CNTNAP2: variants seen among roughly 807,000 people sequenced by gnomAD.
The protein encoded by CNTNAP2 is contactin-associated protein-like 2.
In CNTNAP2, 98 loss-of-function variants were observed where a neutral mutation model predicts 155.2. That is an observed-to-expected ratio of 0.63 (90% confidence interval 0.54 to 0.75). CNTNAP2 has a LOEUF of 0.75. Ranked by LOEUF, CNTNAP2 falls within the 30% of genes least tolerant of loss-of-function variation. The pLI is 0.00. For synonymous variants in CNTNAP2, 651 were observed against 631.2 expected, an observed-to-expected ratio of 1.03 and a Z score of -0.47; for missense variants, 1,727 against 1,688.1, an observed-to-expected ratio of 1.02 and a Z score of -0.40.
intron 4 of CNTNAP2, among the ~76,000 whole-genome samples, chr7:147,048,898 A>G (rs888053694): frequency 3.9e-5 from 6 of 152,172 alleles, no homozygotes; most frequent in Non-Finnish European, 1.5e-5. Flanking sequence ...AAATTTAATC[A>G]TCCTGAAAAC....
At chr7:148,189,138 T>C (rs1463112949) in intron 18 of CNTNAP2, among the ~76,000 whole-genome samples, 1 of 152,240 alleles carries the variant, frequency 6.6e-6, no homozygotes. Context: ...ACATGCAGTA[T>C]ACACTGAGAA....
chr7:147,132,465 T>A lies in CNTNAP2; in HGVS notation c.1304T>A (p.Ile435Asn). The change falls in exon 8 of 24, where the codon ATC (isoleucine) becomes AAC (asparagine). Residue 435 changes from isoleucine to asparagine, a missense_variant. Physicochemically the swap from Ile to Asn is moderately radical, Grantham distance 149 (BLOSUM62 -3). Transcript: ENST00000361727. ...ACTGAAAGCAAAGTGGGTGTTCACA[T>A]CAACATCACACAGACCAAGATGAGC... ...DLTESKVGVH[I>N]NITQTKMSQI... is the part of the protein sequence containing the mutation. The A allele has an allele frequency of 6.2e-7, 1 of 1,613,672 alleles. No individual in the cohort carries two copies. Among genetic ancestry groups the A allele is most frequent in the Non-Finnish European group, 8.5e-7 (1 of 1,179,728 alleles).
chr7:147,349,020 A>G (rs1321203733), intron 9 of CNTNAP2, among the ~76,000 whole-genome samples: 3 of 151,990 alleles, frequency 2.0e-5, no homozygotes, highest in Non-Finnish European at 4.4e-5. Context: ...AAAATTTGCT[A>G]AAGGATACAA....
At position 146,910,866 on chromosome 7, in the gene CNTNAP2, G is replaced by T. The variant is rs879425433; in HGVS notation, c.402+70962G>T. On this transcript the variant is annotated intron_variant, in intron 3 of 23. Coordinates refer to ENST00000361727, the MANE Select transcript of CNTNAP2 (RefSeq NM_014141.6). ...AAGAAACTACCATCAGAGTGAACAGGCAACCTACAAAATGGGAGAAAATTT... is the reference window on the plus strand; with the variant it reads ...AAGAAACTACCATCAGAGTGAACAGTCAACCTACAAAATGGGAGAAAATTT... Among the ~76,000 whole-genome samples, 63 of 150,466 alleles carry T rather than the reference G, an allele frequency of 4.2e-4. 1 individual carries two copies. Among genetic ancestry groups the T allele is most frequent in the Admixed American group, 2.4e-3 (36 of 15,192 alleles).
intron 10 of CNTNAP2, among the ~76,000 whole-genome samples, chr7:147,474,299 G>C (rs922033998): frequency 1.3e-5 from 2 of 151,534 alleles, no homozygotes; most frequent in African/African-American, 4.8e-5. Flanking sequence ...TTTTTAAAAA[G>C]TGTGACATTC....
chr7:146,591,981 G>C (rs1798789835), intron 1 of CNTNAP2, among the ~76,000 whole-genome samples: 1 of 152,108 alleles, frequency 6.6e-6, no homozygotes, highest in Non-Finnish European at 1.5e-5. Flanking sequence ...CCATCCATCA[G>C]TTATCAAAGC....
chr7:147,438,350 T>C (rs558269397), intron 10 of CNTNAP2, among the ~76,000 whole-genome samples: 123 of 152,222 alleles, frequency 8.1e-4, no homozygotes, highest in Non-Finnish European at 1.2e-3. Context: ...AGATAATTTT[T>C]CAGCATCAGT....
At chr7:148,389,272 T>TCATGGGG (rs1279976032) in intron 22 of CNTNAP2, among the ~76,000 whole-genome samples, 1 of 152,172 alleles carries the variant, frequency 6.6e-6, no homozygotes, top group Admixed American at 6.5e-5. Context: ...GGTAATTGAA[T>TCATGGGG]CATGGGGGCA....
chr7:147,879,112 T>A (rs1799475003), intron 13 of CNTNAP2, among the ~76,000 whole-genome samples: 1 of 152,220 alleles, frequency 6.6e-6, no homozygotes, highest in East Asian at 1.9e-4. Context: ...CAATGTATGG[T>A]ACATTTCTGA....
intron 1 of CNTNAP2, among the ~76,000 whole-genome samples, chr7:146,744,772 A>G (rs556551257): frequency 1.1e-4 from 17 of 152,298 alleles, no homozygotes; most frequent in African/African-American, 2.9e-4. Context: ...GGTGCAATAG[A>G]ACTGGATTTG....
At chr7:148,362,860 CAT>C (rs1475808095) in intron 21 of CNTNAP2, among the ~76,000 whole-genome samples, 1 of 152,208 alleles carries the variant, frequency 6.6e-6, no homozygotes, top group East Asian at 1.9e-4. Context: ...CAACTTACAA[CAT>C]TTTTACTTTA....
At chr7:148,384,719 A>T (rs1799151523) in intron 22 of CNTNAP2, among the ~76,000 whole-genome samples, 1 of 152,188 alleles carries the variant, frequency 6.6e-6, no homozygotes, top group African/African-American at 2.4e-5. Context: ...GAGGAAGAAG[A>T]TGAGGCAGGA....
intron 4 of CNTNAP2, among the ~76,000 whole-genome samples, chr7:147,079,049 C>A (rs77450714): frequency 3.9e-5 from 6 of 152,046 alleles, no homozygotes; most frequent in Non-Finnish European, 7.4e-5. Context: ...CTGGCCTGGC[C>A]GTCTTATTTA....
chr7:147,016,666 G>A (rs1798728703), intron 3 of CNTNAP2, among the ~76,000 whole-genome samples: 1 of 152,018 alleles, frequency 6.6e-6, no homozygotes, highest in Non-Finnish European at 1.5e-5. Context: ...TATATTTAAG[G>A]CATTTTGCTT....
intron 3 of CNTNAP2, among the ~76,000 whole-genome samples, chr7:146,972,034 G>C (rs1394524783): frequency 6.6e-6 from 1 of 152,028 alleles, no homozygotes; most frequent in Non-Finnish European, 1.5e-5. Flanking sequence ...TTAGTGGCTT[G>C]GGTAAAGCCT....
rs771827120 is a variant in CNTNAP2, at chr7:148,383,652, CAG to C, written c.3480_3481del (p.Gly1161GlufsTer3). On this transcript the variant is annotated frameshift_variant, in exon 22 of 24. Transcript: ENST00000361727. LOFTEE classifies it high-confidence loss of function. ...TTCATTTCTTTTTTTCTTTTAGAAA[CAG>C]GGAAAATTGACCAAGAGATTCACAA... is the stretch of plus-strand genomic sequence containing the variant. 4 of 1,613,926 alleles carry C rather than the reference CAG, an allele frequency of 2.5e-6. No homozygotes were observed. Among genetic ancestry groups the C allele is most frequent in the Non-Finnish European group, 3.4e-6 (4 of 1,180,030 alleles).
chr7:147,627,923 A>G (rs1329191988), intron 12 of CNTNAP2, among the ~76,000 whole-genome samples: 1 of 141,696 alleles, frequency 7.1e-6, no homozygotes, highest in Non-Finnish European at 1.5e-5. Context: ...AGCCAATCAG[A>G]CAAAGACAAG....
In CNTNAP2 at chr7:146,502,236, T is replaced by TATATATATATGA. The variant is rs1454930196; in HGVS notation, c.98-272025_98-272024insGAATATATATAT. Among the ~76,000 whole-genome samples the TATATATATATGA allele has an allele frequency of 4.3e-3, 333 of 76,696 alleles. 2 individuals are homozygous for TATATATATATGA. The highest frequency in any genetic ancestry group is 0.012 in the African/African-American group (327 of 26,214). 50.3% of individuals were successfully genotyped at this position (76,696 alleles called of 152,430 possible). A position where few individuals can be genotyped will look rare whatever the true frequency, so the allele number is the denominator to read the frequency against. On this transcript the variant is annotated intron_variant, in intron 1 of 23. Coordinates refer to ENST00000361727, the MANE Select transcript of CNTNAP2 (RefSeq NM_014141.6). ...GTGTATATATATGAATATATATATA[T>TATATATATATGA]ATATATATATATATATATATATATG...
chr7:147,992,304 G>A (rs1033058069), intron 15 of CNTNAP2, among the ~76,000 whole-genome samples: 1 of 151,762 alleles, frequency 6.6e-6, no homozygotes, highest in African/African-American at 2.4e-5. Flanking sequence ...TATAGGTGAA[G>A]TTTCACCACA....
Sources: allele counts gnomAD v4.1 joint callset (sites outside exome capture counted in the v4.1 genomes callset), GRCh38; gene constraint gnomAD v4.1.1; transcripts MANE v1.5; gene names NCBI Gene and HGNC (gene_info 2026-07-23, HGNC 2026-07-21).